Variants in STAT5B observed in about 807,000 individuals in gnomAD.
The protein encoded by STAT5B is signal transducer and activator of transcription 5B, also known as transcription factor STAT5B.
A neutral mutation model predicts 107.8 loss-of-function variants in STAT5B; 21 were observed. The observed-to-expected ratio is 0.19, with a 90% CI of 0.14 to 0.28. STAT5B has a LOEUF of 0.28. STAT5B is among the 10% of genes least tolerant of loss of function. The probability of loss-of-function intolerance (pLI) is 1.00; values close to 1 mark genes in which losing one functional copy is unlikely to be tolerated. For missense variants in STAT5B, 565 were observed against 1,008.2 expected (o/e 0.56, Z 5.95); for synonymous variants, 325 against 401.7 (o/e 0.81, Z 2.28).
chr17:42,213,375 T>C (rs1381556072), intron 12 of STAT5B, among the ~76,000 whole-genome samples: 1 of 151,826 alleles, frequency 6.6e-6, no homozygotes, highest in Non-Finnish European at 1.5e-5. Context: ...CCTGGCTAAT[T>C]TGTGTGTTTT....
chr17:42,226,154 C>T (rs1032102483), intron 3 of STAT5B, among the ~76,000 whole-genome samples: 4 of 152,018 alleles, frequency 2.6e-5, no homozygotes, highest in East Asian at 3.9e-4. Flanking sequence ...AGGCTGGTCT[C>T]GAACTCCTGA....
intron 17 of STAT5B, 149 bp from the exon 18 acceptor site, chr17:42,202,596 G>A (rs1337269765): frequency 1.4e-6 from 2 of 1,438,650 alleles, no homozygotes; most frequent in Non-Finnish European, 2.0e-6. Context: ...CAGGAGTGGG[G>A]CCTCAGGTAC....
At chr17:42,263,936 T>A (rs1341000547) in intron 1 of STAT5B, among the ~76,000 whole-genome samples, 1 of 151,272 alleles carries the variant, frequency 6.6e-6, no homozygotes, top group Non-Finnish European at 1.5e-5. Flanking sequence ...CCAGAAGAAA[T>A]CTTTTTTCAG....
intron 1 of STAT5B, among the ~76,000 whole-genome samples, chr17:42,262,942 A>ATGTG (rs755220447): frequency 4.5e-3 from 202 of 45,330 alleles, no homozygotes; most frequent in East Asian, 8.9e-3. Flanking sequence ...ATGTATATAT[A>ATGTG]TGTGTGTGTG....
intron 16 of STAT5B, 79 bp downstream of exon 16, chr17:42,207,479 G>A (rs968591726): frequency 5.2e-5 from 78 of 1,486,094 alleles, no homozygotes; most frequent in East Asian, 4.6e-4. Flanking sequence ...GATAACACAC[G>A]CAGGTATGCA....
chr17:42,210,644 T>A, intron 13 of STAT5B, 147 bp from the exon 14 acceptor site: 1 of 771,398 alleles, frequency 1.3e-6, no homozygotes, highest in Non-Finnish European at 2.2e-6. Flanking sequence ...GAGTTTTACC[T>A]AATGGCCCCA....
chr17:42,229,263 C>T (rs2080298718), intron 2 of STAT5B, among the ~76,000 whole-genome samples: 1 of 151,980 alleles, frequency 6.6e-6, no homozygotes, highest in Non-Finnish European at 1.5e-5. Context: ...GATTCTCCTG[C>T]CTCAGCCTCC....
chr17:42,227,389 A>T, intron 3 of STAT5B, 140 bp downstream of exon 3: 1 of 1,261,234 alleles, frequency 7.9e-7, no homozygotes, highest in East Asian at 2.4e-5. Context: ...AAAAAAAAAA[A>T]AAAAGACCAA....
chr17:42,250,186 G>A (rs2080486724), intron 1 of STAT5B, among the ~76,000 whole-genome samples: 1 of 152,170 alleles, frequency 6.6e-6, no homozygotes, highest in Non-Finnish European at 1.5e-5. Flanking sequence ...TTGGCTCTAT[G>A]TGGTTTCTAA....
In STAT5B at chr17:42,199,551, CT is replaced by C. The variant is rs1396520189; in HGVS notation, c.*2186del. The C allele has an allele frequency of 6.6e-6, 1 of 152,248 alleles. No homozygotes were observed. Among genetic ancestry groups the C allele is most frequent in the Admixed American group, 6.6e-5 (1 of 15,254 alleles). 9.4% of individuals were successfully genotyped at this position (152,248 alleles called of 1,614,324 possible). Reference sequence around the variant, plus strand: ...GGTCGAGACACACCACTACCTTTATCTTGTGGTTTGCAGGAACAAGGAGGAG... The same window carrying C: ...GGTCGAGACACACCACTACCTTTATCTGTGGTTTGCAGGAACAAGGAGGAG... On this transcript the variant is annotated 3_prime_UTR_variant, in exon 19 of 19. Transcript: ENST00000293328.
chr17:42,244,389 C>T (rs1373667615), intron 1 of STAT5B, among the ~76,000 whole-genome samples: 1 of 151,896 alleles, frequency 6.6e-6, no homozygotes, highest in African/African-American at 2.4e-5. Flanking sequence ...CCACACCCAG[C>T]CAGCCTCAGA....
intron 16 of STAT5B, among the ~76,000 whole-genome samples, chr17:42,206,248 CCTGA>C (rs2080084014): frequency 6.6e-6 from 1 of 152,106 alleles, no homozygotes. Flanking sequence ...CACCACCACA[CCTGA>C]CTACTTTTTG....
At chr17:42,212,297 T>A (rs1273293644) in intron 12 of STAT5B, 107 bp from the exon 13 acceptor site, 1 of 1,558,126 alleles carries the variant, frequency 6.4e-7, no homozygotes, top group Non-Finnish European at 8.7e-7. Context: ...CACACATTTG[T>A]CTTGCAGGGC....
chr17:42,223,741 C>A (rs971755514), intron 4 of STAT5B, among the ~76,000 whole-genome samples, 185 bp from the exon 5 acceptor site: 7 of 152,128 alleles, frequency 4.6e-5, no homozygotes, highest in Admixed American at 4.6e-4. Context: ...AACAGGTGAG[C>A]GGACAGATCA....
chr17:42,239,897 G>A (rs986916429), intron 1 of STAT5B, among the ~76,000 whole-genome samples: 3 of 152,142 alleles, frequency 2.0e-5, no homozygotes, highest in South Asian at 2.1e-4. Flanking sequence ...ACGCTGAGGC[G>A]GGTGGATCAC....
intron 3 of STAT5B, among the ~76,000 whole-genome samples, chr17:42,225,513 A>C (rs2080266143): frequency 6.6e-6 from 1 of 152,166 alleles, no homozygotes; most frequent in Non-Finnish European, 1.5e-5. Flanking sequence ...GAGAAGGACA[A>C]GTCACCTACA....
At chr17:42,209,437 T>C (rs936160253) in intron 15 of STAT5B, among the ~76,000 whole-genome samples, 31 of 152,186 alleles carry the variant, frequency 2.0e-4, no homozygotes, top group Non-Finnish European at 4.3e-4. Context: ...GAACTAACTT[T>C]CCTGATGCCC....
Position 42,218,157 on chromosome 17 carries a change from G to A in STAT5B, c.1163C>T (p.Thr388Ile), listed in dbSNP as rs2080189348. 1 of 1,614,068 alleles carries A rather than the reference G, an allele frequency of 6.2e-7. No individual in the cohort carries two copies. Among genetic ancestry groups the A allele is most frequent in the Non-Finnish European group, 8.5e-7 (1 of 1,179,986 alleles). The part of the protein sequence containing the change: ...QAKSLLKNEN[T>I]RNDYSGEILN... The stretch of plus-strand genomic sequence containing the variant: ...GAGGAAGCTGCACAATTACTTGCGG[G>A]TGTTCTCGTTCTTGAGCAGAGACTT... Residue 388 changes from threonine to isoleucine, a missense_variant, in exon 9 of 19, where the codon ACC becomes ATC. Physicochemically the swap from Thr to Ile is moderately conservative, Grantham distance 89. Around this residue, in one of 11 missense-constraint regions of STAT5B, gnomAD observed 70 missense variants for 73.2 expected, o/e 0.96. Coordinates refer to ENST00000293328, the MANE Select transcript of STAT5B (RefSeq NM_012448.4).
chr17:42,277,656 C>G (rs78710321), upstream of STAT5B, among the ~76,000 whole-genome samples: 6,638 of 152,274 alleles, frequency 0.044, 482 homozygotes, highest in African/African-American at 0.15. Flanking sequence ...CAACCAACCC[C>G]GAGCTCTCTG....
Sources: gnomAD v4.1 joint callset for allele counts (sites outside exome capture counted in the v4.1 genomes callset) on GRCh38, gnomAD v4.1.1 for gene constraint, gnomAD v4.1.1 regional missense constraint, MANE v1.5 for transcripts, NCBI Gene and HGNC (gene_info 2026-07-23, HGNC 2026-07-21) for gene names.